Variants in KIRREL3 observed in about 807,000 individuals in gnomAD.
KIRREL3 encodes the protein kirre like nephrin family adhesion molecule 3.
Under a neutral mutation model 89.7 loss-of-function variants are expected in KIRREL3, and 36 were observed. The observed-to-expected ratio is 0.40, with a 90% confidence interval of 0.31 to 0.53. KIRREL3 has a LOEUF of 0.53. Among genes scored for constraint, KIRREL3 ranks in the 20% least tolerant of loss-of-function variants. The pLI is 0.49. For synonymous variants in KIRREL3, 445 were observed against 441.4 expected (o/e 1.01, Z -0.10); for missense variants, 864 against 1,056.6 (o/e 0.82, Z 2.53).
intron 1 of KIRREL3, among the ~76,000 whole-genome samples, chr11:126,663,816 T>C (rs984312296): frequency 2.0e-5 from 3 of 152,234 alleles, no homozygotes; most frequent in African/African-American, 7.2e-5. Context: ...TTTGGAGCTC[T>C]CTGGCAATTC....
In KIRREL3 at chr11:126,956,369, A is replaced by G. The variant is rs139877300; in HGVS notation, c.55+44086T>C. On this transcript the variant is annotated intron_variant, in intron 1 of 16. Coordinates refer to ENST00000525144, the MANE Select transcript of KIRREL3 (RefSeq NM_032531.4). ...GATGTCAGAGTCATTCCATCTGACAAAGTCTCTCCTCGTCTGAAACTCCCT... is the reference window on the plus strand; with the variant it reads ...GATGTCAGAGTCATTCCATCTGACAGAGTCTCTCCTCGTCTGAAACTCCCT... 5.1e-3 allele frequency among the ~76,000 whole-genome samples: 784 copies of G among 152,294 alleles called. 7 individuals carry two copies. The highest frequency in any genetic ancestry group is 0.018 in the African/African-American group (751 of 41,568).
At chr11:126,478,456 G>A (rs1043079504) in intron 4 of KIRREL3, among the ~76,000 whole-genome samples, 1 of 152,168 alleles carries the variant, frequency 6.6e-6, no homozygotes, top group African/African-American at 2.4e-5. Flanking sequence ...GATGGGGCCG[G>A]GGGGACGGTT....
In KIRREL3 at chr11:126,666,265, A is replaced by G. The variant is rs547817761; in HGVS notation, c.56-103353T>C. On this transcript the variant is annotated intron_variant, in intron 1 of 16. Transcript: ENST00000525144. This position sits in a 1 kb window ranked among gnomAD's most constrained non-coding sequence, Gnocchi z 4.2. ...TCTTGTTATCCTCCTCCCTGTATCT[A>G]TAATGGACAGCCTTGGGTTTTACCT... is the stretch of plus-strand genomic sequence containing the variant. 5.5e-4 allele frequency among the ~76,000 whole-genome samples: 84 copies of G among 152,216 alleles called. No individual in the cohort carries two copies. Among genetic ancestry groups the G allele is most frequent in the Non-Finnish European group, 8.8e-4 (60 of 68,042 alleles).
chr11:126,559,513 C>G (rs553406929), intron 2 of KIRREL3, among the ~76,000 whole-genome samples: 1 of 152,074 alleles, frequency 6.6e-6, no homozygotes, highest in South Asian at 2.1e-4. Flanking sequence ...ATAGGTGCCA[C>G]TCGATACACA....
At chr11:126,678,599 C>CAAAAAAAAAAAAAAAAAAAAAA (rs59342253) in intron 1 of KIRREL3, among the ~76,000 whole-genome samples, 3 of 50,046 alleles carry the variant, frequency 6.0e-5, no homozygotes, top group African/African-American at 1.6e-4. Context: ...GACTCTGTCT[C>CAAAAAAAAAAAAAAAAAAAAAA]AAAAAAAAAA....
chr11:126,491,753 G>A lies in KIRREL3; in HGVS notation c.434-18287C>T, dbSNP rs1394934908. On this transcript the variant is annotated intron_variant, in intron 4 of 16. Coordinates refer to ENST00000525144, the MANE Select transcript of KIRREL3 (RefSeq NM_032531.4). The surrounding 1 kb of genome is among the most constrained non-coding windows in gnomAD (Gnocchi z 5.5). ...GTCTTGCTCTGTCACCCAAGCTGGA[G>A]TTCAGTGGCATGATCTCGGCTCACT... 6.6e-6 allele frequency among the ~76,000 whole-genome samples: 1 copy of A among 151,982 alleles called. No homozygotes were observed. Among genetic ancestry groups the A allele is most frequent in the Admixed American group, 6.5e-5 (1 of 15,270 alleles).
intron 1 of KIRREL3, among the ~76,000 whole-genome samples, chr11:126,818,900 C>A (rs1951675797): frequency 6.6e-6 from 1 of 152,054 alleles, no homozygotes; most frequent in African/African-American, 2.4e-5. Context: ...GAGACATGTA[C>A]TAGATGGCAA....
In KIRREL3 at chr11:126,566,152, T is replaced by A. The variant is rs1034651825; in HGVS notation, c.56-3240A>T. Among the ~76,000 whole-genome samples the A allele has an allele frequency of 1.2e-4, 18 of 151,980 alleles. No individual in the cohort carries two copies. Among genetic ancestry groups the A allele is most frequent in the African/African-American group, 4.1e-4 (17 of 41,346 alleles). ...GCTGGCTATGGAAAAATAATTACCA[T>A]GAAAGGAGTCAGCCCTGGCTTAAAA... On this transcript the variant is annotated intron_variant, in intron 1 of 16. Coordinates refer to ENST00000525144, the MANE Select transcript of KIRREL3 (RefSeq NM_032531.4). This position sits in a 1 kb window ranked among gnomAD's most constrained non-coding sequence, Gnocchi z 4.9.
rs1941204059 is a variant in KIRREL3, at chr11:126,575,405, T to TC, written c.56-12494dup. ...CTCCTCAATGTGTACAATGGAGAGG[T>TC]CTTGGGCTGCAATAAGGACTGGAGA... is the stretch of plus-strand genomic sequence containing the variant. On this transcript the variant is annotated intron_variant, in intron 1 of 16. Coordinates refer to ENST00000525144, the MANE Select transcript of KIRREL3 (RefSeq NM_032531.4). The surrounding 1 kb of genome is among the most constrained non-coding windows in gnomAD (Gnocchi z 7.0). Among the ~76,000 whole-genome samples the TC allele has an allele frequency of 6.6e-6, 1 of 152,004 alleles. No homozygotes were observed. The highest frequency in any genetic ancestry group is 2.1e-4 in the South Asian group (1 of 4,808).
intron 1 of KIRREL3, among the ~76,000 whole-genome samples, chr11:126,746,939 G>A (rs1949171906): frequency 6.6e-6 from 1 of 152,200 alleles, no homozygotes; most frequent in Non-Finnish European, 1.5e-5. Context: ...GGACCACACT[G>A]AGGATAGACA....
At position 126,744,312 on chromosome 11, in the gene KIRREL3, G is replaced by A. The variant is rs1312328177; in HGVS notation, c.56-181400C>T. ...TCAATGACTGAGATGTTGAGCAGGGGAGCAGCCTTTTCTGGGAGGTTCACC... is the reference window on the plus strand; with the variant it reads ...TCAATGACTGAGATGTTGAGCAGGGAAGCAGCCTTTTCTGGGAGGTTCACC... On this transcript the variant is annotated intron_variant, in intron 1 of 16. Coordinates refer to ENST00000525144, the MANE Select transcript of KIRREL3 (RefSeq NM_032531.4). This position sits in a 1 kb window ranked among gnomAD's most constrained non-coding sequence, Gnocchi z 4.7. Among the ~76,000 whole-genome samples the A allele has an allele frequency of 1.3e-5, 2 of 152,114 alleles. No homozygotes were observed. The highest frequency in any genetic ancestry group is 2.9e-5 in the Non-Finnish European group (2 of 68,020).
At chr11:126,449,571 G>A (rs894908792) in intron 7 of KIRREL3, among the ~76,000 whole-genome samples, 4 of 152,202 alleles carry the variant, frequency 2.6e-5, no homozygotes, top group Non-Finnish European at 5.9e-5. Flanking sequence ...CCAAGTCCAT[G>A]ACCTCAGAGG....
chr11:126,888,061 T>C (rs7942687), intron 1 of KIRREL3, among the ~76,000 whole-genome samples: 93,497 of 151,684 alleles, frequency 0.62, 30,331 homozygotes, highest in African/African-American at 0.82. Context: ...ACCCACAGTA[T>C]CAAGGGGAGG....
intron 1 of KIRREL3, among the ~76,000 whole-genome samples, chr11:126,922,109 A>ATCTGTCTG (rs1359128477): frequency 2.1e-4 from 24 of 114,570 alleles, no homozygotes; most frequent in Admixed American, 1.1e-3. Flanking sequence ...CTATCGATCT[A>ATCTGTCTG]TCTATCTGTC....
Position 126,544,989 on chromosome 11 carries a change from C to A in KIRREL3, c.133+17846G>T, listed in dbSNP as rs1418009456. On this transcript the variant is annotated intron_variant, in intron 2 of 16. Transcript: ENST00000525144. This position sits in a 1 kb window ranked among gnomAD's most constrained non-coding sequence, Gnocchi z 5.6. Reference sequence around the variant, plus strand: ...TAATAAATTACTTGGTACCCGGCTGCCAGCTCAGACTAAGCCCAATATTGC... The same window carrying A: ...TAATAAATTACTTGGTACCCGGCTGACAGCTCAGACTAAGCCCAATATTGC... Among the ~76,000 whole-genome samples, 4 of 152,262 alleles carry A rather than the reference C, an allele frequency of 2.6e-5. No homozygotes were observed. The East Asian group carries it at 5.8e-4, about 22-fold the overall frequency.
intron 1 of KIRREL3, among the ~76,000 whole-genome samples, chr11:126,714,772 C>T (rs992123042): frequency 1.1e-4 from 16 of 152,130 alleles, no homozygotes; most frequent in Admixed American, 2.0e-4. Context: ...TTCCTGGGAT[C>T]GCCCCCTGAA....
rs992129639 is a variant in KIRREL3 at position 126,551,301 on chromosome 11, A to C, written c.133+11534T>G. On this transcript the variant is annotated intron_variant, in intron 2 of 16. Transcript: ENST00000525144. This position sits in a 1 kb window ranked among gnomAD's most constrained non-coding sequence, Gnocchi z 4.9. ...TCAGGGAAGGGTCTTAAGACCCACA[A>C]TCAGAAAGTGGTGAAAGGTTAGAGT... Among the ~76,000 whole-genome samples, 4 of 152,094 alleles carry C rather than the reference A, an allele frequency of 2.6e-5. No homozygotes were observed. Among genetic ancestry groups the C allele is most frequent in the African/African-American group, 9.7e-5 (4 of 41,422 alleles).
chr11:126,902,747 C>A (rs1279143302), intron 1 of KIRREL3, among the ~76,000 whole-genome samples: 1 of 152,208 alleles, frequency 6.6e-6, no homozygotes, highest in Non-Finnish European at 1.5e-5. Flanking sequence ...CAGCTCCTTT[C>A]CAATATTCTG....
Position 126,991,057 on chromosome 11 carries a change from A to C in KIRREL3, c.55+9398T>G, listed in dbSNP as rs773172722. Among the ~76,000 whole-genome samples the C allele has an allele frequency of 2.0e-5, 3 of 152,214 alleles. No individual in the cohort carries two copies. Among genetic ancestry groups the C allele is most frequent in the Non-Finnish European group, 4.4e-5 (3 of 68,042 alleles). On this transcript the variant is annotated intron_variant, in intron 1 of 16. Transcript: ENST00000525144. The surrounding 1 kb of genome is among the most constrained non-coding windows in gnomAD (Gnocchi z 5.8). ...CCTGTGACATTTGCAGGTGACTGAC[A>C]GAAATGGGCACTGACATGCATTAAA...
Sources: allele counts gnomAD v4.1 joint callset (sites outside exome capture counted in the v4.1 genomes callset), GRCh38; gene constraint gnomAD v4.1.1; non-coding constraint Gnocchi (gnomAD v3.1); transcripts MANE v1.5; gene names NCBI Gene and HGNC (gene_info 2026-07-23, HGNC 2026-07-21).